BBS1: variants seen among roughly 807,000 people sequenced by gnomAD.
BBS1 encodes the protein BBSome complex member BBS1.
BBS1 carries 60 observed loss-of-function variants against 73.9 expected under a neutral mutation model. That is an observed-to-expected ratio of 0.81 (90% CI 0.66 to 1.01). The LOEUF is 1.01. Among genes scored for constraint, BBS1 ranks in the 50% least tolerant of loss-of-function variants. The probability of loss-of-function intolerance (pLI) is 0.00; values close to 1 mark genes in which losing one functional copy is unlikely to be tolerated. For synonymous variants in BBS1, 283 were observed against 317.4 expected (o/e 0.89, Z 1.15); for missense variants, 718 against 770.3 (o/e 0.93, Z 0.80).
At position 66,514,463 on chromosome 11, in the gene BBS1, G is replaced by A; in HGVS notation, c.217G>A (p.Gly73Arg). ...GQQPRLKVLK[G>R]PLVMTESPLP... ...GCAGCCCCGCCTGAAGGTGCTCAAA[G>A]GACCACTGGTGATGACCGAAAGCCC... The change falls in exon 4 of 17, where the codon GGA becomes AGA. Residue 73 changes from glycine (G) to arginine (R), a missense_variant. Gly to Arg is a moderately radical substitution (Grantham distance 125, BLOSUM62 -2). Coordinates refer to ENST00000318312, the MANE Select transcript of BBS1 (RefSeq NM_024649.5). The A allele has an allele frequency of 6.2e-7, 1 of 1,614,192 alleles. No homozygotes were observed. The highest frequency in any genetic ancestry group is 8.5e-7 in the Non-Finnish European group (1 of 1,180,052).
intron 9 of BBS1, among the ~76,000 whole-genome samples, chr11:66,521,930 A>AG (rs1207054911): frequency 9.7e-5 from 12 of 123,472 alleles, no homozygotes; most frequent in Non-Finnish European, 1.7e-4. Context: ...AAAAAAAAGC[A>AG]GGGGGGTGCC....
chr11:66,515,150 T>C (rs1410204864), intron 4 of BBS1, among the ~76,000 whole-genome samples: 1 of 152,114 alleles, frequency 6.6e-6, no homozygotes, highest in African/African-American at 2.4e-5. Context: ...GGTGTTGTGC[T>C]TGGCTACTCA....
intron 9 of BBS1, 33 bp from the exon 10 acceptor site, chr11:66,523,423 C>T: frequency 6.2e-7 from 1 of 1,614,136 alleles, no homozygotes. Flanking sequence ...GAGGATTTCT[C>T]TGGGGCCAGA....
Position 66,532,120 on chromosome 11 carries a change from C to A in BBS1, c.*83C>A. On this transcript the variant is annotated 3_prime_UTR_variant, in exon 17 of 17. Coordinates refer to ENST00000318312, the MANE Select transcript of BBS1 (RefSeq NM_024649.5). The stretch of plus-strand genomic sequence containing the variant: ...AGTGGCCCCAGGCCCACTCCTCATG[C>A]AGCAGTGTGCTGGGGCGACAGCTCG... 1 of 1,402,516 alleles carries A rather than the reference C, an allele frequency of 7.1e-7. No homozygotes were observed. Among genetic ancestry groups the A allele is most frequent in the Non-Finnish European group, 9.8e-7 (1 of 1,024,270 alleles). 86.9% of individuals were successfully genotyped at this position (1,402,516 alleles called of 1,614,324 possible).
intron 12 of BBS1, 51 bp from the exon 13 acceptor site, chr11:66,526,598 T>C (rs1229857448): frequency 6.2e-7 from 1 of 1,611,772 alleles, no homozygotes; most frequent in Non-Finnish European, 8.5e-7. Flanking sequence ...AGAATGGGAA[T>C]GTGGGTAGAA....
intron 12 of BBS1, 138 bp from the exon 13 acceptor site, chr11:66,526,511 C>T: frequency 9.1e-7 from 1 of 1,093,190 alleles, no homozygotes; most frequent in South Asian, 1.3e-5. Context: ...CACTTTGTTA[C>T]TTCCAGAAAC....
In BBS1 at chr11:66,526,163, A is replaced by C. The variant is rs770067805; in HGVS notation, c.1151A>C (p.Glu384Ala). The C allele has an allele frequency of 1.2e-6, 2 of 1,614,166 alleles. No homozygotes were observed. The highest frequency in any genetic ancestry group is 1.7e-6 in the Non-Finnish European group (2 of 1,180,038). ...TSLCFGRYGREDNTLIMTTRG... is the reference protein window; with the variant it reads ...TSLCFGRYGRADNTLIMTTRG... ...CTTTGCTTTGGCCGGTACGGGCGGGAGGACAACACCCTCATCATGACCACT... is the reference window on the plus strand; with the variant it reads ...CTTTGCTTTGGCCGGTACGGGCGGGCGGACAACACCCTCATCATGACCACT... Residue 384 changes from glutamate to alanine, a missense_variant, in exon 12 of 17, where the codon GAG (glutamate) becomes GCG (alanine). Physicochemically the swap from Glu to Ala is moderately radical, Grantham distance 107 (BLOSUM62 -1). Transcript: ENST00000318312.
intron 8 of BBS1, among the ~76,000 whole-genome samples, chr11:66,520,135 G>C (rs1856157942): frequency 6.6e-6 from 1 of 152,140 alleles, no homozygotes; most frequent in African/African-American, 2.4e-5. Flanking sequence ...ACTCCAGCCT[G>C]GGCGACAGAG....
Position 66,519,173 on chromosome 11 carries a change from G to T in BBS1, c.592-444G>T, listed in dbSNP as rs111375321. On this transcript the variant is annotated intron_variant, in intron 7 of 16. Coordinates refer to ENST00000318312, the MANE Select transcript of BBS1 (RefSeq NM_024649.5). ...GCTGAGGCGGGTGGATCACAGGTCA[G>T]GAGTTCAAGACCAACCTGGGCAACA... Among the ~76,000 whole-genome samples, 1,351 of 152,250 alleles carry T rather than the reference G, an allele frequency of 8.9e-3. 22 individuals carry two copies. The highest frequency in any genetic ancestry group is 0.03 in the African/African-American group (1,257 of 41,570).
chr11:66,524,061 C>T (rs951875265), intron 11 of BBS1, 179 bp downstream of exon 11: 7 of 882,744 alleles, frequency 7.9e-6, no homozygotes, highest in African/African-American at 3.3e-5. Flanking sequence ...GGGCAGATCA[C>T]CTGAGGTAAG....
chr11:66,514,291 CA>C, intron 3 of BBS1, 114 bp from the exon 4 acceptor site: 1 of 1,417,408 alleles, frequency 7.1e-7, no homozygotes, highest in Non-Finnish European at 9.8e-7. Context: ...AGCCTGAGGG[CA>C]AAGCCTTTAT....
In BBS1 at chr11:66,514,692, A is replaced by G. The variant is rs764645595; in HGVS notation, c.432+14A>G. The G allele has an allele frequency of 1.2e-6, 2 of 1,607,310 alleles. No homozygotes were observed. The highest frequency in any genetic ancestry group is 2.2e-5 in the East Asian group (1 of 44,844). ...CAGGCCAAAGAGGTAAATAAATAAC[A>G]TGGGAGTTGGGAACCAGAAGGCAAA... On this transcript the variant is annotated intron_variant, in intron 4 of 16. Transcript: ENST00000318312.
intron 7 of BBS1, among the ~76,000 whole-genome samples, chr11:66,516,384 C>T (rs1856050688): frequency 6.6e-6 from 1 of 152,138 alleles, no homozygotes; most frequent in Non-Finnish European, 1.5e-5. Context: ...CCTTGACCTC[C>T]CAAAGTGCTC....
At chr11:66,519,517 A>G in intron 7 of BBS1, 100 bp from the exon 8 acceptor site, 2 of 1,531,590 alleles carry the variant, frequency 1.3e-6, no homozygotes, top group South Asian at 2.3e-5. Context: ...TTTCCTCTTC[A>G]TCCTCCTTTG....
intron 13 of BBS1, among the ~76,000 whole-genome samples, 173 bp from the exon 14 acceptor site, chr11:66,529,646 G>A (rs1000884600): frequency 2.0e-5 from 3 of 151,712 alleles, no homozygotes; most frequent in Non-Finnish European, 4.4e-5. Flanking sequence ...CCACGGCGTC[G>A]AGTTTTGCCA....
intron 11 of BBS1, among the ~76,000 whole-genome samples, chr11:66,525,638 A>G (rs529709971): frequency 1.5e-4 from 23 of 152,344 alleles, no homozygotes; most frequent in African/African-American, 5.5e-4. Context: ...AAAATTTGCA[A>G]ACAACTGGCT....
chr11:66,510,834 C>A, intron 1 of BBS1, 128 bp downstream of exon 1: 1 of 1,447,684 alleles, frequency 6.9e-7, no homozygotes, highest in South Asian at 1.1e-5. Flanking sequence ...ATAGGGAAAC[C>A]GAGGCCTAAG....
At position 66,532,288 on chromosome 11, in the gene BBS1, C is replaced by T. The variant is rs1006899523; in HGVS notation, c.*251C>T. On this transcript the variant is annotated 3_prime_UTR_variant, in exon 17 of 17. Transcript: ENST00000318312. The stretch of plus-strand genomic sequence containing the variant: ...CACTGAAGTCCTACTACGCCCTCCC[C>T]TCCCCAGCCTTTTCCAGAAACCATA... The T allele has an allele frequency of 5.4e-6, 3 of 553,518 alleles. No homozygotes were observed. The highest frequency in any genetic ancestry group is 6.5e-6 in the Non-Finnish European group (2 of 307,286). The allele number at this position is 553,518 out of a possible 1,614,324, so 34.3% of individuals were successfully genotyped here. A position where few individuals can be genotyped will look rare whatever the true frequency, so the allele number is the denominator to read the frequency against.
intron 7 of BBS1, among the ~76,000 whole-genome samples, chr11:66,518,760 T>TTC (rs536982957): frequency 1.9e-3 from 280 of 149,022 alleles, no homozygotes; most frequent in African/African-American, 6.4e-3. Context: ...CCCTTTTCTT[T>TTC]TTTTTTTTTT....
Sources: gnomAD v4.1 joint callset for allele counts (sites outside exome capture counted in the v4.1 genomes callset) on GRCh38, gnomAD v4.1.1 for gene constraint, MANE v1.5 for transcripts, NCBI Gene and HGNC (gene_info 2026-07-23, HGNC 2026-07-21) for gene names.